Variants in SGCD observed in about 807,000 individuals in gnomAD.
SGCD encodes the protein sarcoglycan delta.
Under a neutral mutation model 36.6 loss-of-function variants are expected in SGCD, and 18 were observed. The observed-to-expected ratio is 0.49, with a 90% confidence interval of 0.34 to 0.73. The LOEUF (loss-of-function observed/expected upper bound fraction) is 0.73, where lower values mean the gene tolerates loss of function less well. SGCD is among the 30% of genes least tolerant of loss of function. The pLI, the probability that SGCD is intolerant of heterozygous loss-of-function variation, is 0.01. For synonymous variants in SGCD, 133 were observed against 130.6 expected (o/e 1.02, Z -0.12); for missense variants, 387 against 346.7 (o/e 1.12, Z -0.92).
intron 7 of SGCD, among the ~76,000 whole-genome samples, chr5:156,756,109 GA>G (rs778380834): frequency 6.6e-6 from 1 of 152,216 alleles, no homozygotes; most frequent in Non-Finnish European, 1.5e-5. Flanking sequence ...TAAGGTGTCT[GA>G]AAGTTAGAAG....
At chr5:155,975,454 C>A (rs1758091729) in intron 1 of SGCD, among the ~76,000 whole-genome samples, 2 of 151,914 alleles carry the variant, frequency 1.3e-5, no homozygotes, top group African/African-American at 4.8e-5. Flanking sequence ...CCAAAAATAT[C>A]AACAGTGCTG....
intron 1 of SGCD, among the ~76,000 whole-genome samples, chr5:156,108,989 G>A (rs1761716863): frequency 6.6e-6 from 1 of 152,154 alleles, no homozygotes. Flanking sequence ...GGCCGTGCTT[G>A]CTAGTAACCC....
At chr5:156,295,680 C>T (rs916784961) in intron 3 of SGCD, among the ~76,000 whole-genome samples, 1 of 152,192 alleles carries the variant, frequency 6.6e-6, no homozygotes, top group African/African-American at 2.4e-5. Flanking sequence ...CTTCTTTATC[C>T]TAGCAGATGG....
intron 3 of SGCD, among the ~76,000 whole-genome samples, chr5:156,374,819 A>G (rs142018555): frequency 0.013 from 1,937 of 152,170 alleles, 46 homozygotes; most frequent in African/African-American, 0.045. Context: ...CAGCATACCA[A>G]CACTCCAGCC....
intron 1 of SGCD, among the ~76,000 whole-genome samples, chr5:156,019,937 C>T (rs1759063691): frequency 6.6e-6 from 1 of 152,172 alleles, no homozygotes; most frequent in Non-Finnish European, 1.5e-5. Context: ...GCTACTTATG[C>T]ACCTTCTCTA....
chr5:155,924,871 T>C (rs1480434873), intron 1 of SGCD, among the ~76,000 whole-genome samples: 4 of 152,196 alleles, frequency 2.6e-5, no homozygotes, highest in Admixed American at 1.3e-4. Flanking sequence ...GCTGTTTGTG[T>C]CATGTATACC....
At chr5:155,780,102 G>A in the SGCD span, among the ~76,000 whole-genome samples, 4 of 152,018 alleles carry the variant, frequency 2.6e-5, no homozygotes, top group Non-Finnish European at 5.9e-5. Context: ...TGGATGATAC[G>A]TCCATTTTTT....
chr5:156,301,101 A>G (rs1174925197), intron 3 of SGCD, among the ~76,000 whole-genome samples: 1 of 151,994 alleles, frequency 6.6e-6, no homozygotes, highest in African/African-American at 2.4e-5. Flanking sequence ...ATTATTATTG[A>G]TAAGTAAGGA....
chr5:156,072,269 C>A (rs562823472), intron 1 of SGCD, among the ~76,000 whole-genome samples: 1 of 151,934 alleles, frequency 6.6e-6, no homozygotes, highest in Non-Finnish European at 1.5e-5. Flanking sequence ...TGGCTGGTAC[C>A]AGTTGTTCCT....
At chr5:155,881,155 C>T (rs901918647) in intron 1 of SGCD, among the ~76,000 whole-genome samples, 12 of 151,982 alleles carry the variant, frequency 7.9e-5, no homozygotes, top group Admixed American at 7.2e-4. Flanking sequence ...CAATCTATCA[C>T]AATTTCCATA....
intron 3 of SGCD, among the ~76,000 whole-genome samples, chr5:156,197,343 A>G (rs1764046111): frequency 6.6e-6 from 1 of 152,152 alleles, no homozygotes; most frequent in African/African-American, 2.4e-5. Flanking sequence ...AACACATATA[A>G]ATAATTTAAA....
chr5:156,217,509 TCATGTGGGATAA>T (rs1283776158), intron 3 of SGCD, among the ~76,000 whole-genome samples: 1 of 152,294 alleles, frequency 6.6e-6, no homozygotes, highest in East Asian at 1.9e-4. Flanking sequence ...TACAGGGGAT[TCATGTGGGATAA>T]CATTGCAACA....
At chr5:155,967,830 A>T (rs1373311569) in intron 1 of SGCD, among the ~76,000 whole-genome samples, 1 of 152,106 alleles carries the variant, frequency 6.6e-6, no homozygotes, top group Non-Finnish European at 1.5e-5. Flanking sequence ...TCCTGGAACC[A>T]GAAGCCACAG....
intron 3 of SGCD, among the ~76,000 whole-genome samples, chr5:156,267,355 C>G (rs1766028636): frequency 6.6e-6 from 1 of 151,992 alleles, no homozygotes; most frequent in Non-Finnish European, 1.5e-5. Context: ...AAGTTGTTTC[C>G]TGGTTCTGAA....
intron 1 of SGCD, among the ~76,000 whole-genome samples, chr5:156,088,003 A>G (rs1761144477): frequency 6.6e-6 from 1 of 152,166 alleles, no homozygotes; most frequent in African/African-American, 2.4e-5. Context: ...ATTCCATTAG[A>G]AGCATACCAG....
At chr5:156,338,710 G>C (rs1211108019) in intron 2 of SGCD, among the ~76,000 whole-genome samples, 1 of 152,092 alleles carries the variant, frequency 6.6e-6, no homozygotes, top group Non-Finnish European at 1.5e-5. Flanking sequence ...CAGTGGGTAG[G>C]ATTTGCATAA....
intron 3 of SGCD, among the ~76,000 whole-genome samples, chr5:156,191,705 G>A (rs896005681): frequency 2.0e-5 from 3 of 152,104 alleles, no homozygotes; most frequent in Non-Finnish European, 4.4e-5. Flanking sequence ...AGAAGTCACA[G>A]ATAAAGCTCA....
At chr5:156,726,499 A>G (rs1216143880) in intron 7 of SGCD, among the ~76,000 whole-genome samples, 1 of 152,172 alleles carries the variant, frequency 6.6e-6, no homozygotes, top group Non-Finnish European at 1.5e-5. Flanking sequence ...CATGCCTACC[A>G]TGAAATTCAC....
At chr5:156,209,235 C>T (rs561660355) in intron 3 of SGCD, among the ~76,000 whole-genome samples, 1 of 152,310 alleles carries the variant, frequency 6.6e-6, no homozygotes, top group East Asian at 1.9e-4. Context: ...TCTCCACTGC[C>T]AGGCCAGCCC....
Sources: gnomAD v4.1 joint callset for allele counts (sites outside exome capture counted in the v4.1 genomes callset) on GRCh38, gnomAD v4.1.1 for gene constraint, MANE v1.5 for transcripts, NCBI Gene and HGNC (gene_info 2026-07-23, HGNC 2026-07-21) for gene names.